Variants in SNTG1 observed in about 807,000 individuals in gnomAD.
The protein encoded by SNTG1 is syntrophin gamma 1.
A neutral mutation model predicts 74.7 loss-of-function variants in SNTG1; 39 were observed. That is an observed-to-expected ratio of 0.52 (90% CI 0.40 to 0.68). The LOEUF is 0.68. Ranked by LOEUF, SNTG1 falls within the 30% of genes least tolerant of loss-of-function variation. The pLI is 0.00. For missense variants in SNTG1, 685 were observed against 609.5 expected (o/e 1.12, Z -1.30); for synonymous variants, 254 against 217.1 (o/e 1.17, Z -1.49).
At chr8:50,668,919 T>C (rs1003156685) in intron 15 of SNTG1, among the ~76,000 whole-genome samples, 5 of 152,070 alleles carry the variant, frequency 3.3e-5, no homozygotes, top group Non-Finnish European at 5.9e-5. Flanking sequence ...TTTGCAATTG[T>C]AAATAGTGCT....
At chr8:50,515,744 C>A (rs1314165932) in intron 9 of SNTG1, among the ~76,000 whole-genome samples, 2 of 152,166 alleles carry the variant, frequency 1.3e-5, no homozygotes, top group African/African-American at 2.4e-5. Context: ...AGCCAGACTG[C>A]CTCTCTAGAT....
At chr8:50,069,415 A>C (rs1821163076) in intron 1 of SNTG1, among the ~76,000 whole-genome samples, 1 of 152,274 alleles carries the variant, frequency 6.6e-6, no homozygotes, top group South Asian at 2.1e-4. Flanking sequence ...CAATTCAGTG[A>C]TCATAAAGTT....
intron 15 of SNTG1, among the ~76,000 whole-genome samples, chr8:50,683,826 A>C (rs1275195376): frequency 6.6e-6 from 1 of 151,446 alleles, no homozygotes; most frequent in Non-Finnish European, 1.5e-5. Flanking sequence ...CATTTGCTTC[A>C]TTTGATTTTA....
intron 1 of SNTG1, among the ~76,000 whole-genome samples, chr8:50,062,033 T>C (rs977782483): frequency 6.6e-6 from 1 of 152,104 alleles, no homozygotes; most frequent in Non-Finnish European, 1.5e-5. Context: ...GAAAGTAAGA[T>C]GATGGAATTT....
At chr8:50,309,360 CAA>C (rs10535912) in intron 2 of SNTG1, among the ~76,000 whole-genome samples, 79,479 of 149,322 alleles carry the variant, frequency 0.53, 23,123 homozygotes, top group East Asian at 0.82. Flanking sequence ...TTTTTTAAGA[CAA>C]AAAAAAAAAA....
At chr8:50,479,574 A>G (rs2093723583) in intron 8 of SNTG1, among the ~76,000 whole-genome samples, 1 of 152,094 alleles carries the variant, frequency 6.6e-6, no homozygotes, top group African/African-American at 2.4e-5. Flanking sequence ...TCACCTACAC[A>G]GAATTTGATT....
chr8:50,480,014 T>G (rs1444577622), intron 8 of SNTG1, among the ~76,000 whole-genome samples: 1 of 152,176 alleles, frequency 6.6e-6, no homozygotes. Context: ...CTGTGGAGAC[T>G]TTAAAATAGT....
intron 18 of SNTG1, among the ~76,000 whole-genome samples, chr8:50,772,720 C>T (rs1254845236): frequency 6.6e-6 from 1 of 152,070 alleles, no homozygotes; most frequent in African/African-American, 2.4e-5. Flanking sequence ...CCCAATATGG[C>T]AGTGTTGGAA....
chr8:50,712,868 G>T (rs2095465574), intron 17 of SNTG1, among the ~76,000 whole-genome samples: 1 of 152,174 alleles, frequency 6.6e-6, no homozygotes, highest in African/African-American at 2.4e-5. Context: ...ACTCCATGGT[G>T]TATATGTGCC....
At chr8:50,781,226 G>C (rs1404524945) in intron 18 of SNTG1, among the ~76,000 whole-genome samples, 3 of 152,120 alleles carry the variant, frequency 2.0e-5, no homozygotes, top group Non-Finnish European at 4.4e-5. Context: ...AAGTCCACTT[G>C]GTGCAGAGCT....
At chr8:50,689,643 G>A (rs1398593032) in intron 15 of SNTG1, among the ~76,000 whole-genome samples, 12 of 152,102 alleles carry the variant, frequency 7.9e-5, no homozygotes, top group East Asian at 1.9e-4. Flanking sequence ...TGCTGGATTC[G>A]TTTTGCCAGT....
chr8:50,074,358 A>C (rs1014996459), intron 1 of SNTG1, among the ~76,000 whole-genome samples: 2 of 152,174 alleles, frequency 1.3e-5, no homozygotes, highest in African/African-American at 4.8e-5. Flanking sequence ...CATTGGTTTA[A>C]GAAGAGTTGT....
At chr8:50,115,581 A>AAAAAAAAAAAAAAAAAAAAAAAC (rs1563617770) in intron 1 of SNTG1, among the ~76,000 whole-genome samples, 1 of 147,722 alleles carries the variant, frequency 6.8e-6, no homozygotes, top group African/African-American at 2.5e-5. Context: ...AAAAAAAAAA[A>AAAAAAAAAAAAAAAAAAAAAAAC]AAAAAACGAG....
chr8:50,532,285 G>A (rs1260735064), intron 10 of SNTG1, among the ~76,000 whole-genome samples: 1 of 152,116 alleles, frequency 6.6e-6, no homozygotes, highest in Non-Finnish European at 1.5e-5. Context: ...AAATCTCAAT[G>A]CATATCAATT....
chr8:50,784,835 G>A (rs1585792540), intron 18 of SNTG1, among the ~76,000 whole-genome samples: 2 of 152,044 alleles, frequency 1.3e-5, no homozygotes, highest in African/African-American at 4.8e-5. Context: ...ATTTAAAATA[G>A]TTAAAATAAT....
intron 1 of SNTG1, among the ~76,000 whole-genome samples, chr8:49,958,822 T>G (rs1003128469): frequency 6.6e-6 from 1 of 152,212 alleles, no homozygotes; most frequent in African/African-American, 2.4e-5. Context: ...TCATTACTGG[T>G]CATAGAGTAG....
At chr8:50,378,930 C>T (rs1409598483) in intron 2 of SNTG1, among the ~76,000 whole-genome samples, 1 of 152,110 alleles carries the variant, frequency 6.6e-6, no homozygotes, top group African/African-American at 2.4e-5. Flanking sequence ...CTCTGGTCAG[C>T]AGGACTGACA....
At chr8:49,931,521 A>G (rs1026401713) in intron 1 of SNTG1, among the ~76,000 whole-genome samples, 2 of 152,234 alleles carry the variant, frequency 1.3e-5, no homozygotes, top group Non-Finnish European at 2.9e-5. Flanking sequence ...ATACCCATGC[A>G]GCAAACCTGC....
chr8:50,448,112 A>G (rs535870170), intron 5 of SNTG1, among the ~76,000 whole-genome samples: 1 of 152,284 alleles, frequency 6.6e-6, no homozygotes, highest in East Asian at 1.9e-4. Context: ...AAGCAGAACA[A>G]GTGGGAGCCA....
Sources: allele counts gnomAD v4.1 joint callset (sites outside exome capture counted in the v4.1 genomes callset), GRCh38; gene constraint gnomAD v4.1.1; transcripts MANE v1.5; gene names NCBI Gene and HGNC (gene_info 2026-07-23, HGNC 2026-07-21).